The following TRIM9 variants were observed in gnomAD, a reference collection of about 807,000 sequenced individuals.
TRIM9 encodes the protein E3 ubiquitin-protein ligase TRIM9.
Under a neutral mutation model 78.3 loss-of-function variants are expected in TRIM9, and 26 were observed. The ratio of observed to expected loss-of-function variants is 0.33; its 90% CI spans 0.24 to 0.46. TRIM9 has a LOEUF of 0.46. Ranked by LOEUF, TRIM9 falls within the 20% of genes least tolerant of loss-of-function variation. The probability of loss-of-function intolerance (pLI) is 1.00; values close to 1 mark genes in which losing one functional copy is unlikely to be tolerated. For missense variants in TRIM9, 787 were observed against 1,036.4 expected, an observed-to-expected ratio of 0.76 and a Z score of 3.30; for synonymous variants, 398 against 416.5, an observed-to-expected ratio of 0.96 and a Z score of 0.54.
At chr14:51,047,132 C>T (rs2060009932) in intron 1 of TRIM9, among the ~76,000 whole-genome samples, 1 of 152,248 alleles carries the variant, frequency 6.6e-6, no homozygotes, top group African/African-American at 2.4e-5. Flanking sequence ...GGGGTTGACA[C>T]TTGTGTTTAC....
intron 1 of TRIM9, among the ~76,000 whole-genome samples, chr14:51,087,122 G>T (rs755929695): frequency 6.6e-6 from 1 of 152,074 alleles, no homozygotes; most frequent in Non-Finnish European, 1.5e-5. Flanking sequence ...AGCTGTGGAG[G>T]CTGACTCATC....
intron 1 of TRIM9, among the ~76,000 whole-genome samples, chr14:51,077,371 C>G (rs897435373): frequency 4.1e-5 from 6 of 146,408 alleles, no homozygotes; most frequent in Admixed American, 1.4e-4. Flanking sequence ...GGCCCTCAGT[C>G]TCATCTCCAA....
At chr14:51,021,304 G>T (rs571789221) in intron 3 of TRIM9, among the ~76,000 whole-genome samples, 1 of 152,234 alleles carries the variant, frequency 6.6e-6, no homozygotes, top group East Asian at 1.9e-4. Flanking sequence ...GCCGATTCCT[G>T]CAGGTAGGAA....
chr14:51,031,145 T>C (rs2058693250), intron 1 of TRIM9, among the ~76,000 whole-genome samples: 1 of 18,876 alleles, frequency 5.3e-5, no homozygotes. Flanking sequence ...TGAAACTCTT[T>C]CCAAAAAAAA....
At chr14:51,068,028 G>A (rs1480803832) in intron 1 of TRIM9, among the ~76,000 whole-genome samples, 1 of 152,184 alleles carries the variant, frequency 6.6e-6, no homozygotes, top group African/African-American at 2.4e-5. Context: ...AAACTTTAAT[G>A]TGCATCAAAA....
intron 7 of TRIM9, 145 bp downstream of exon 7, chr14:50,997,905 A>G (rs904825116): frequency 2.7e-6 from 4 of 1,474,506 alleles, no homozygotes; most frequent in Admixed American, 2.3e-5. Flanking sequence ...AAGGCAGGAG[A>G]GGAACAGCGG....
At chr14:50,996,513 T>C in intron 7 of TRIM9, 5 of 985,408 alleles carry the variant, frequency 5.1e-6, no homozygotes, top group Non-Finnish European at 6.0e-6. Flanking sequence ...TTCCCGCAGA[T>C]CTGATAACAC....
chr14:51,006,678 A>G (rs555870326), intron 5 of TRIM9, among the ~76,000 whole-genome samples: 1 of 152,308 alleles, frequency 6.6e-6, no homozygotes, highest in South Asian at 2.1e-4. Flanking sequence ...AAAATGGAAG[A>G]CTATAATCCA....
intron 1 of TRIM9, among the ~76,000 whole-genome samples, chr14:51,043,624 A>T (rs968864477): frequency 6.6e-6 from 1 of 152,226 alleles, no homozygotes; most frequent in South Asian, 2.1e-4. Context: ...ACTAAATATT[A>T]GGATTCATGA....
At chr14:51,040,194 T>C (rs1812739252) in intron 1 of TRIM9, among the ~76,000 whole-genome samples, 1 of 152,248 alleles carries the variant, frequency 6.6e-6, no homozygotes, top group South Asian at 2.1e-4. Flanking sequence ...ATATTTTCAG[T>C]TGGACCTCTG....
chr14:51,055,970 T>C (rs899683155), intron 1 of TRIM9, among the ~76,000 whole-genome samples: 1 of 152,238 alleles, frequency 6.6e-6, no homozygotes, highest in Non-Finnish European at 1.5e-5. Flanking sequence ...AGTATAATGA[T>C]GCAATCCTCT....
Position 50,979,503 on chromosome 14 carries a change from C to A in TRIM9, c.2209G>T (p.Asp737Tyr). The change falls in exon 12 of 13, where the codon GAC becomes TAC. Residue 737 changes from aspartate (D) to tyrosine (Y), a missense_variant. By Grantham distance (160) the Asp-to-Tyr change is radical. Coordinates refer to ENST00000684578, the MANE Select transcript of TRIM9 (RefSeq NM_001387360.1). Reference sequence around the variant, plus strand: ...AATGTCAAGTTTTTTCTATTTAAGTCGAGGAGGACCCCAATTGTGGCCCCT... The same window carrying A: ...AATGTCAAGTTTTTTCTATTTAAGTAGAGGAGGACCCCAATTGTGGCCCCT... ...TKGATIGVLL[D>Y]LNRKNLTFFI... 2 of 1,614,146 alleles carry A rather than the reference C, an allele frequency of 1.2e-6. No homozygotes were observed. Among genetic ancestry groups the A allele is most frequent in the Non-Finnish European group, 1.7e-6 (2 of 1,180,016 alleles).
intron 1 of TRIM9, among the ~76,000 whole-genome samples, chr14:51,030,558 ATG>A (rs896199154): frequency 8.6e-5 from 13 of 151,666 alleles, no homozygotes; most frequent in African/African-American, 2.9e-4. Flanking sequence ...GGGACAAAGG[ATG>A]TGTGTGTGTG....
intron 1 of TRIM9, among the ~76,000 whole-genome samples, chr14:51,082,144 A>T (rs1440015463): frequency 1.3e-5 from 2 of 152,170 alleles, no homozygotes; most frequent in African/African-American, 4.8e-5. Context: ...CTGGGGGCCC[A>T]CCCTGAGTCA....
At chr14:51,059,890 C>G (rs1053587961) in intron 1 of TRIM9, among the ~76,000 whole-genome samples, 2 of 152,122 alleles carry the variant, frequency 1.3e-5, no homozygotes, top group African/African-American at 4.8e-5. Flanking sequence ...ATCTGACCAT[C>G]AGTGAAACTT....
intron 1 of TRIM9, among the ~76,000 whole-genome samples, chr14:51,027,823 T>G (rs961615037): frequency 6.9e-6 from 1 of 144,804 alleles, no homozygotes; most frequent in Non-Finnish European, 1.5e-5. Flanking sequence ...TCATTGTTAC[T>G]TTAGAACTCA....
At chr14:51,068,541 C>T (rs140605080) in intron 1 of TRIM9, among the ~76,000 whole-genome samples, 49 of 152,276 alleles carry the variant, frequency 3.2e-4, no homozygotes, top group African/African-American at 1.1e-3. Context: ...TCACCACAAC[C>T]TTGTAGAAGT....
At chr14:51,070,806 A>G (rs1330310015) in intron 1 of TRIM9, among the ~76,000 whole-genome samples, 8 of 152,194 alleles carry the variant, frequency 5.3e-5, no homozygotes, top group African/African-American at 1.9e-4. Context: ...GGTAAAAACT[A>G]TTCCTGTTAT....
At chr14:50,996,270 G>A in intron 7 of TRIM9, 1 of 985,360 alleles carries the variant, frequency 1.0e-6, no homozygotes, top group Non-Finnish European at 1.2e-6. Context: ...TGTTCCGTTT[G>A]TTTCATCTAG....
Sources: allele counts gnomAD v4.1 joint callset (sites outside exome capture counted in the v4.1 genomes callset), GRCh38; gene constraint gnomAD v4.1.1; transcripts MANE v1.5; gene names NCBI Gene and HGNC (gene_info 2026-07-23, HGNC 2026-07-21).